CYTH4: variants seen among roughly 807,000 people sequenced by gnomAD.
CYTH4 encodes cytohesin-4.
A neutral mutation model predicts 57.5 loss-of-function variants in CYTH4; 22 were observed. The observed-to-expected ratio is 0.38, with a 90% CI of 0.27 to 0.55. CYTH4 has a LOEUF of 0.55. Ranked by LOEUF, CYTH4 falls within the 20% of genes least tolerant of loss-of-function variation. The probability of loss-of-function intolerance (pLI) is 0.74; values close to 1 mark genes in which losing one functional copy is unlikely to be tolerated. For missense variants in CYTH4, 420 were observed against 535.6 expected (o/e 0.78, Z 2.13); for synonymous variants, 186 against 206.5 (o/e 0.90, Z 0.85).
chr22:37,308,603 C>T (rs1034712405), intron 8 of CYTH4, among the ~76,000 whole-genome samples: 2 of 146,924 alleles, frequency 1.4e-5, no homozygotes, highest in African/African-American at 5.1e-5. Context: ...TCTGAGTGTG[C>T]ATGTATGTGT....
At chr22:37,300,034 C>T (rs781326936) in intron 6 of CYTH4, 9 of 716,656 alleles carry the variant, frequency 1.3e-5, no homozygotes, top group East Asian at 2.7e-5. Context: ...TTTCCTCATC[C>T]GTAGAATGGG....
intron 1 of CYTH4, among the ~76,000 whole-genome samples, chr22:37,289,007 T>C (rs1309383950): frequency 6.6e-6 from 1 of 152,194 alleles, no homozygotes. Context: ...GCTGAGGCTC[T>C]GTGGGCAGGA....
At position 37,300,157 on chromosome 22, in the gene CYTH4, C is replaced by T. The variant is rs763466185; in HGVS notation, c.435-750C>T. ...TGATGCTGCTTGAAAACTCAGATTC[C>T]GAGAAGGAGCATCTGATCTGGGCTT... On this transcript the variant is annotated intron_variant, in intron 6 of 12. Coordinates refer to ENST00000248901, the MANE Select transcript of CYTH4 (RefSeq NM_013385.5). 2.9e-5 allele frequency: 21 copies of T among 717,408 alleles called. 1 individual carries two copies. Among genetic ancestry groups the T allele is most frequent in the South Asian group, 1.9e-4 (13 of 67,608 alleles). The allele number at this position is 717,408 out of a possible 1,614,324, so 44.4% of individuals were successfully genotyped here.
intron 2 of CYTH4, among the ~76,000 whole-genome samples, chr22:37,293,163 C>A (rs1295818917): frequency 6.6e-6 from 1 of 152,248 alleles, no homozygotes; most frequent in Non-Finnish European, 1.5e-5. Flanking sequence ...CTGGAACGTG[C>A]CTTGCTCAGC....
In CYTH4 at chr22:37,314,792, A is replaced by C; in HGVS notation, c.*1281A>C. 5.5e-6 allele frequency: 1 copy of C among 183,294 alleles called. No individual in the cohort carries two copies. The highest frequency in any genetic ancestry group is 1.1e-5 in the Non-Finnish European group (1 of 88,460). The allele number at this position is 183,294 out of a possible 1,614,324, so 11.4% of individuals were successfully genotyped here. A position where few individuals can be genotyped will look rare whatever the true frequency, so the allele number is the denominator to read the frequency against. Reference sequence around the variant, plus strand: ...AAATTCCTTGGCAGGGGAACAGGAAATGTGGCCGCCTCTGCCCCACTGCCA... The same window carrying C: ...AAATTCCTTGGCAGGGGAACAGGAACTGTGGCCGCCTCTGCCCCACTGCCA... On this transcript the variant is annotated 3_prime_UTR_variant, in exon 13 of 13. Coordinates refer to ENST00000248901, the MANE Select transcript of CYTH4 (RefSeq NM_013385.5).
At chr22:37,292,754 G>T (rs1261987994) in intron 2 of CYTH4, 51 bp downstream of exon 2, 1 of 1,575,248 alleles carries the variant, frequency 6.3e-7, no homozygotes. Flanking sequence ...ACTCCTGCAC[G>T]CTTGTACGCA....
rs1284316786 is a variant in CYTH4 at position 37,311,373 on chromosome 22, G to A, written c.886-83G>A. On this transcript the variant is annotated intron_variant, in intron 10 of 12. Transcript: ENST00000248901. This position sits in a 1 kb window ranked among gnomAD's most constrained non-coding sequence, Gnocchi z 4.4. ...GATGAGCACGCTCCTCTTTGAGTTT[G>A]GGGAACCCCACACGTTCACACCCTG... 1.6e-6 allele frequency: 2 copies of A among 1,238,848 alleles called. No homozygotes were observed. Among genetic ancestry groups the A allele is most frequent in the African/African-American group, 3.0e-5 (2 of 67,034 alleles). 76.7% of individuals were successfully genotyped at this position (1,238,848 alleles called of 1,614,324 possible). A position where few individuals can be genotyped will look rare whatever the true frequency, so the allele number is the denominator to read the frequency against.
At chr22:37,283,897 C>T (rs1034867755) in intron 1 of CYTH4, among the ~76,000 whole-genome samples, 1 of 152,118 alleles carries the variant, frequency 6.6e-6, no homozygotes, top group Non-Finnish European at 1.5e-5. Flanking sequence ...GGAGGGCACC[C>T]ACCGAGATGC....
At chr22:37,299,084 A>G in intron 5 of CYTH4, 142 bp from the exon 6 acceptor site, 4 of 670,528 alleles carry the variant, frequency 6.0e-6, no homozygotes, top group South Asian at 5.1e-5. Context: ...GGTGGGACAG[A>G]TGTGAACACA....
chr22:37,304,088 C>T (rs1042724529), intron 8 of CYTH4: 55 of 440,544 alleles, frequency 1.2e-4, no homozygotes, highest in Non-Finnish European at 2.3e-4. Context: ...GCTGTCACTG[C>T]GGCTGTCATT....
chr22:37,308,345 A>ATG (rs967533990), intron 8 of CYTH4, among the ~76,000 whole-genome samples: 2 of 152,168 alleles, frequency 1.3e-5, no homozygotes, highest in African/African-American at 4.8e-5. Context: ...GTAAGCATGC[A>ATG]TGTGTGTGTG....
Position 37,313,691 on chromosome 22 carries a change from A to G in CYTH4, c.*180A>G. On this transcript the variant is annotated 3_prime_UTR_variant, in exon 13 of 13. Coordinates refer to ENST00000248901, the MANE Select transcript of CYTH4 (RefSeq NM_013385.5). ...GCTCAGGAGGGTGGGTGGGAGCTGC[A>G]GTGGGCTCAGAGTCCAGCAATGAGG... 1 of 634,090 alleles carries G rather than the reference A, an allele frequency of 1.6e-6. No homozygotes were observed. The highest frequency in any genetic ancestry group is 2.8e-6 in the Non-Finnish European group (1 of 362,984). The allele number at this position is 634,090 out of a possible 1,614,324, so 39.3% of individuals were successfully genotyped here.
rs1928934601 is a variant in CYTH4 at position 37,295,687 on chromosome 22, G to A, written c.168-312G>A. Among the ~76,000 whole-genome samples the A allele has an allele frequency of 6.6e-6, 1 of 152,232 alleles. No individual in the cohort carries two copies. Among genetic ancestry groups the A allele is most frequent in the Non-Finnish European group, 1.5e-5 (1 of 68,036 alleles). On this transcript the variant is annotated intron_variant, in intron 3 of 12. Transcript: ENST00000248901. The surrounding 1 kb of genome is among the most constrained non-coding windows in gnomAD (Gnocchi z 4.1). ...AGGAGCCTGGCTCCAGCACCTGCGT[G>A]CTCAGCCCTCGCCCCCTCCCCCGGT...
At chr22:37,306,865 T>C (rs1294923167) in intron 8 of CYTH4, among the ~76,000 whole-genome samples, 1 of 152,196 alleles carries the variant, frequency 6.6e-6, no homozygotes, top group Non-Finnish European at 1.5e-5. Context: ...GATTAATGCT[T>C]ATTGGCTGGC....
intron 6 of CYTH4, 40 bp from the exon 7 acceptor site, chr22:37,300,867 C>T (rs776604711): frequency 2.6e-6 from 4 of 1,568,282 alleles, no homozygotes; most frequent in Non-Finnish European, 2.6e-6. Flanking sequence ...CCCGCGAGGG[C>T]CCACCCACTC....
At chr22:37,284,735 A>G (rs1002352945) in intron 1 of CYTH4, among the ~76,000 whole-genome samples, 3 of 152,082 alleles carry the variant, frequency 2.0e-5, no homozygotes, top group African/African-American at 7.2e-5. Context: ...TATTATGGAC[A>G]GGCTGGTGAC....
chr22:37,305,432 C>A (rs1022485658), intron 8 of CYTH4, among the ~76,000 whole-genome samples: 2 of 152,176 alleles, frequency 1.3e-5, no homozygotes, highest in African/African-American at 4.8e-5. Flanking sequence ...CACCTCCAGT[C>A]CCGGCTACCC....
At position 37,303,235 on chromosome 22, in the gene CYTH4, A is replaced by C; in HGVS notation, c.548-19A>C. 1 of 1,613,222 alleles carries C rather than the reference A, an allele frequency of 6.2e-7. No homozygotes were observed. The highest frequency in any genetic ancestry group is 8.5e-7 in the Non-Finnish European group (1 of 1,179,672). The stretch of plus-strand genomic sequence containing the variant: ...GAGAGTGGCCAGGGCCAGAACTGTG[A>C]CCGCTGTCCCCTCCGCAGACACCTG... On this transcript the variant is annotated intron_variant, in intron 7 of 12. Transcript: ENST00000248901.
intron 1 of CYTH4, among the ~76,000 whole-genome samples, chr22:37,288,000 C>T (rs767065009): frequency 6.6e-6 from 1 of 152,130 alleles, no homozygotes; most frequent in Admixed American, 6.5e-5. Context: ...CAGAGTGGGC[C>T]GGGCACAGTG....
Sources: gnomAD v4.1 joint callset for allele counts (sites outside exome capture counted in the v4.1 genomes callset) on GRCh38, gnomAD v4.1.1 for gene constraint, Gnocchi (gnomAD v3.1) non-coding constraint, MANE v1.5 for transcripts, NCBI Gene and HGNC (gene_info 2026-07-23, HGNC 2026-07-21) for gene names.